SIPA1L2: variants seen among roughly 807,000 people sequenced by gnomAD.
SIPA1L2 encodes signal induced proliferation associated 1 like 2, also known as signal-induced proliferation-associated 1-like protein 2.
In SIPA1L2, 56 loss-of-function variants were observed where a neutral mutation model predicts 163.9. The observed-to-expected ratio is 0.34, with a 90% CI of 0.28 to 0.43. The LOEUF (loss-of-function observed/expected upper bound fraction) is 0.43. Ranked by LOEUF, SIPA1L2 falls within the 20% of genes least tolerant of loss-of-function variation. The pLI is 1.00. For missense variants in SIPA1L2, 1,974 were observed against 2,193.5 expected (o/e 0.90, Z 2.00); for synonymous variants, 877 against 865.7 (o/e 1.01, Z -0.23).
Position 232,514,243 on chromosome 1 carries a change from T to C in SIPA1L2, c.1097A>G (p.Gln366Arg). 2.5e-6 allele frequency: 4 copies of C among 1,614,228 alleles called. No individual in the cohort carries two copies. The highest frequency in any genetic ancestry group is 3.4e-6 in the Non-Finnish European group (4 of 1,180,048). Reference sequence around the variant, plus strand: ...TGTCTGGCCCGTAGGCATCTGAGTCTGGGATGCTGCAGATGCCCCAGTGGT... The same window carrying C: ...TGTCTGGCCCGTAGGCATCTGAGTCCGGGATGCTGCAGATGCCCCAGTGGT... ...NITTGASAASQTQMPTGQTGN... is the reference protein window; with the variant it reads ...NITTGASAASRTQMPTGQTGN... Residue 366 changes from glutamine to arginine, a missense_variant, in exon 3 of 23, where the codon CAG becomes CGG. Around this residue, in one of 3 missense-constraint regions of SIPA1L2, gnomAD observed 607 missense variants for 624.0 expected, o/e 0.97. Coordinates refer to ENST00000674635, the MANE Select transcript of SIPA1L2 (RefSeq NM_020808.5).
At chr1:232,592,809 GA>G (rs541158763) in intron 1 of SIPA1L2, among the ~76,000 whole-genome samples, 2,158 of 145,790 alleles carry the variant, frequency 0.015, 22 homozygotes, top group Non-Finnish European at 0.016. Context: ...ATGTTCACAG[GA>G]AAAAAAAAAA....
intron 1 of SIPA1L2, among the ~76,000 whole-genome samples, chr1:232,614,058 T>C (rs1436946413): frequency 1.3e-5 from 2 of 152,150 alleles, no homozygotes; most frequent in African/African-American, 2.4e-5. Context: ...CTGAGAAACC[T>C]TCACCCTCCT....
At chr1:232,439,588 G>T in intron 14 of SIPA1L2, 92 bp from the exon 15 acceptor site, 1 of 1,442,328 alleles carries the variant, frequency 6.9e-7, no homozygotes. Context: ...CCATGGGATC[G>T]CACCCAAGCC....
At chr1:232,595,954 T>G (rs1242693920) in intron 1 of SIPA1L2, among the ~76,000 whole-genome samples, 2 of 152,158 alleles carry the variant, frequency 1.3e-5, no homozygotes, top group African/African-American at 4.8e-5. Flanking sequence ...ACAATTACCT[T>G]AGAGTTCCAC....
At chr1:232,603,780 G>A (rs1661739982) in intron 1 of SIPA1L2, among the ~76,000 whole-genome samples, 1 of 152,000 alleles carries the variant, frequency 6.6e-6, no homozygotes, top group South Asian at 2.1e-4. Context: ...GGGCACTCAG[G>A]CCCTGCTCTA....
intron 10 of SIPA1L2, among the ~76,000 whole-genome samples, chr1:232,449,950 G>C (rs1358878369): frequency 6.6e-6 from 1 of 152,194 alleles, no homozygotes; most frequent in Non-Finnish European, 1.5e-5. Context: ...ATAGTACTTG[G>C]AGCTTGGGAC....
At position 232,499,688 on chromosome 1, in the gene SIPA1L2, G is replaced by A. The variant is rs553054110; in HGVS notation, c.1484-6028C>T. Among the ~76,000 whole-genome samples the A allele has an allele frequency of 2.0e-5, 3 of 152,330 alleles. No homozygotes were observed. In the East Asian group the frequency reaches 5.8e-4, roughly 29 times the overall value. ...TAAGACAACAGATGACAGTGGCTACGATAAACAACACACTTTCAATACAGA... is the reference window on the plus strand; with the variant it reads ...TAAGACAACAGATGACAGTGGCTACAATAAACAACACACTTTCAATACAGA... On this transcript the variant is annotated intron_variant, in intron 3 of 22. Transcript: ENST00000674635.
At chr1:232,399,432 T>C (rs968330207) in intron 22 of SIPA1L2, among the ~76,000 whole-genome samples, 159 bp from the exon 23 acceptor site, 1 of 152,022 alleles carries the variant, frequency 6.6e-6, no homozygotes, top group Non-Finnish European at 1.5e-5. Flanking sequence ...CTGATCCTGA[T>C]TCCTGCTGAT....
intron 1 of SIPA1L2, among the ~76,000 whole-genome samples, chr1:232,574,550 ATAAT>A (rs1659976810): frequency 1.3e-5 from 2 of 152,240 alleles, no homozygotes; most frequent in Admixed American, 6.5e-5. Context: ...GTTTTGAAAA[ATAAT>A]TATTTTCATA....
intron 2 of SIPA1L2, among the ~76,000 whole-genome samples, chr1:232,568,398 A>G (rs527482210): frequency 1.3e-5 from 2 of 152,278 alleles, no homozygotes; most frequent in Admixed American, 1.3e-4. Context: ...GTGTGGGGGC[A>G]AACTGCCAAA....
chr1:232,411,583 G>T (rs1256574435), intron 19 of SIPA1L2, among the ~76,000 whole-genome samples: 1 of 150,640 alleles, frequency 6.6e-6, no homozygotes, highest in Non-Finnish European at 1.5e-5. Context: ...AATTTCAATT[G>T]CCAGTTGCTT....
chr1:232,419,709 G>A (rs965253329), intron 18 of SIPA1L2, among the ~76,000 whole-genome samples: 6 of 152,174 alleles, frequency 3.9e-5, no homozygotes, highest in Middle Eastern at 3.2e-3. Flanking sequence ...TATGCTTCCT[G>A]AACAGCCTGA....
chr1:232,428,376 T>C, intron 17 of SIPA1L2, 35 bp downstream of exon 17: 1 of 1,386,238 alleles, frequency 7.2e-7, no homozygotes, highest in Non-Finnish European at 9.4e-7. Context: ...TTTTTTAGTG[T>C]TTCTGGTAAC....
intron 1 of SIPA1L2, among the ~76,000 whole-genome samples, chr1:232,578,903 A>G (rs1283423037): frequency 1.3e-5 from 2 of 152,274 alleles, no homozygotes; most frequent in East Asian, 1.9e-4. Flanking sequence ...TGGCTATTGT[A>G]TTTTACCTTG....
rs1311350920 is a variant in SIPA1L2, at chr1:232,567,834, T to G, written c.-270+6340A>C. On this transcript the variant is annotated intron_variant, in intron 2 of 22. Transcript: ENST00000674635. ...GCCTAATCGGAGGGTTGGGACTTTC[T>G]GCCCCATCCCACAGCCTCCAGGGAG... Among the ~76,000 whole-genome samples, 5 of 152,354 alleles carry G rather than the reference T, an allele frequency of 3.3e-5. No homozygotes were observed. In the East Asian group the frequency reaches 7.7e-4, roughly 24 times the overall value.
At chr1:232,537,974 T>C (rs2103099957) in intron 2 of SIPA1L2, among the ~76,000 whole-genome samples, 1 of 152,356 alleles carries the variant, frequency 6.6e-6, no homozygotes, top group African/African-American at 2.4e-5. Flanking sequence ...AAAAATAACC[T>C]AAGTGTAACC....
intron 21 of SIPA1L2, 59 bp downstream of exon 21, chr1:232,403,389 A>G: frequency 6.3e-7 from 1 of 1,583,208 alleles, no homozygotes; most frequent in South Asian, 1.2e-5. Context: ...CGGTTAGCCG[A>G]ATCTTGGCTA....
intron 2 of SIPA1L2, among the ~76,000 whole-genome samples, chr1:232,545,230 C>T (rs1431069120): frequency 6.6e-6 from 1 of 152,208 alleles, no homozygotes; most frequent in Non-Finnish European, 1.5e-5. Flanking sequence ...TAGCATAGCA[C>T]GGAAAAAGCA....
At chr1:232,484,118 A>G (rs1665525479) in intron 5 of SIPA1L2, 152 bp from the exon 6 acceptor site, 1 of 657,928 alleles carries the variant, frequency 1.5e-6, no homozygotes, top group Non-Finnish European at 2.5e-6. Context: ...GGCAACTGCC[A>G]CTGTGAAAGA....
Sources: gnomAD v4.1 joint callset for allele counts (sites outside exome capture counted in the v4.1 genomes callset) on GRCh38, gnomAD v4.1.1 for gene constraint, gnomAD v4.1.1 regional missense constraint, MANE v1.5 for transcripts, NCBI Gene and HGNC (gene_info 2026-07-23, HGNC 2026-07-21) for gene names.